The following ATP8A1 variants were observed in gnomAD, a reference collection of about 807,000 sequenced individuals.
ATP8A1 encodes ATPase phospholipid transporting 8A1, also known as phospholipid-transporting ATPase IA.
Under a neutral mutation model 177.7 loss-of-function variants are expected in ATP8A1, and 90 were observed. That is an observed-to-expected ratio of 0.51 (90% confidence interval 0.43 to 0.60). The LOEUF (loss-of-function observed/expected upper bound fraction) is 0.60. Among genes scored for constraint, ATP8A1 ranks in the 20% least tolerant of loss-of-function variants. ATP8A1 has a pLI of 0.00. For missense variants in ATP8A1, 1,072 were observed against 1,392.8 expected (o/e 0.77, Z 3.67); for synonymous variants, 493 against 485.9 (o/e 1.01, Z -0.19).
intron 27 of ATP8A1, among the ~76,000 whole-genome samples, chr4:42,461,002 A>T (rs958556785): frequency 1.3e-5 from 2 of 152,198 alleles, no homozygotes; most frequent in Non-Finnish European, 2.9e-5. Context: ...CAGTTCACTT[A>T]TTTATCTACC....
rs1395948291 is a variant in ATP8A1 at position 42,522,310 on chromosome 4, T to C, written c.1808-11A>G. On this transcript the variant is annotated splice_polypyrimidine_tract_variant and intron_variant, in intron 21 of 36. Coordinates refer to ENST00000381668, the MANE Select transcript of ATP8A1 (RefSeq NM_006095.2). Reference sequence around the variant, plus strand: ...ATAAAGTTCTTAACCCTGAAAAAGATAGCATACATCACCCCAACACACCAA... The same window carrying C: ...ATAAAGTTCTTAACCCTGAAAAAGACAGCATACATCACCCCAACACACCAA... 1.7e-5 allele frequency: 27 copies of C among 1,612,356 alleles called. No homozygotes were observed. The highest frequency in any genetic ancestry group is 2.7e-5 in the African/African-American group (2 of 74,882).
intron 1 of ATP8A1, among the ~76,000 whole-genome samples, chr4:42,643,141 G>C (rs186197592): frequency 6.6e-6 from 1 of 152,194 alleles, no homozygotes; most frequent in Non-Finnish European, 1.5e-5. Flanking sequence ...TGTAATTATC[G>C]ATCCCAAACA....
chr4:42,472,011 C>T, intron 25 of ATP8A1: 1 of 719,652 alleles, frequency 1.4e-6, no homozygotes. Context: ...TCCTGTTCCT[C>T]AACTGAAATC....
chr4:42,624,185 A>C (rs1486216577), intron 4 of ATP8A1, among the ~76,000 whole-genome samples: 3 of 152,026 alleles, frequency 2.0e-5, no homozygotes, highest in Non-Finnish European at 4.4e-5. Flanking sequence ...AATTATTTAA[A>C]TTAAAAAATA....
Position 42,588,295 on chromosome 4 carries a change from TG to T in ATP8A1, c.558del (p.Asn187ThrfsTer2). 6.2e-7 allele frequency: 1 copy of T among 1,614,010 alleles called. No individual in the cohort carries two copies. Among genetic ancestry groups the T allele is most frequent in the Non-Finnish European group, 8.5e-7 (1 of 1,179,922 alleles). Reference sequence around the variant, plus strand: ...TTCAAGTTTGTTTCACCATCTAAGTTGGATGTTTCAATGTAGCACATGGCTT... The same window carrying T: ...TTCAAGTTTGTTTCACCATCTAAGTTGATGTTTCAATGTAGCACATGGCTT... ...EPQAMCYIET[S>X]NLDGETNLKI... is the part of the protein sequence containing the mutation. On this transcript the variant is annotated frameshift_variant, in exon 8 of 37. Transcript: ENST00000381668. LOFTEE classifies it high-confidence loss of function.
intron 4 of ATP8A1, among the ~76,000 whole-genome samples, chr4:42,621,042 C>A (rs1737414428): frequency 6.6e-6 from 1 of 152,132 alleles, no homozygotes; most frequent in African/African-American, 2.4e-5. Context: ...AAGGGAAGTC[C>A]AAAAGGCAAA....
At chr4:42,563,276 G>T (rs1401963762) in intron 15 of ATP8A1, among the ~76,000 whole-genome samples, 2 of 152,194 alleles carry the variant, frequency 1.3e-5, no homozygotes, top group African/African-American at 2.4e-5. Context: ...GCAGCATTTT[G>T]CCCCTGCCCT....
intron 22 of ATP8A1, among the ~76,000 whole-genome samples, chr4:42,511,784 A>C (rs1447296448): frequency 6.6e-6 from 1 of 152,160 alleles, no homozygotes; most frequent in Admixed American, 6.6e-5. Context: ...ACCTATTTCC[A>C]TATTAGCAAA....
chr4:42,466,031 CAAAAAA>C (rs57949092), intron 25 of ATP8A1, among the ~76,000 whole-genome samples: 3 of 108,118 alleles, frequency 2.8e-5, no homozygotes, highest in Admixed American at 1.0e-4. Flanking sequence ...GACTCCGTCT[CAAAAAA>C]AAAAAAAAAA....
chr4:42,534,704 A>G (rs1053705976), intron 20 of ATP8A1, among the ~76,000 whole-genome samples: 1 of 152,204 alleles, frequency 6.6e-6, no homozygotes, highest in African/African-American at 2.4e-5. Context: ...CTCGGCACAT[A>G]GTCGGCAGGT....
chr4:42,617,717 CAA>C (rs368340074), intron 4 of ATP8A1, among the ~76,000 whole-genome samples: 12 of 152,296 alleles, frequency 7.9e-5, no homozygotes, highest in African/African-American at 2.9e-4. Flanking sequence ...CATTCCACTT[CAA>C]AGAGGAAATT....
chr4:42,465,558 T>A (rs1480300948), intron 25 of ATP8A1, among the ~76,000 whole-genome samples: 1 of 152,230 alleles, frequency 6.6e-6, no homozygotes, highest in Non-Finnish European at 1.5e-5. Flanking sequence ...ATGCCAAGTA[T>A]CTGATTATAG....
chr4:42,521,011 A>G (rs1726068546), intron 22 of ATP8A1, among the ~76,000 whole-genome samples: 1 of 152,180 alleles, frequency 6.6e-6, no homozygotes, highest in African/African-American at 2.4e-5. Context: ...CGTGAGGAGC[A>G]GAGGGGGGAA....
At chr4:42,427,126 G>C (rs1714716832) in intron 33 of ATP8A1, among the ~76,000 whole-genome samples, 1 of 151,984 alleles carries the variant, frequency 6.6e-6, no homozygotes, top group Non-Finnish European at 1.5e-5. Context: ...TATATAAAAG[G>C]CTTCCAAAGC....
chr4:42,656,822 T>C lies in ATP8A1; in HGVS notation c.49+3A>G. The C allele has an allele frequency of 1.3e-6, 2 of 1,572,336 alleles. No homozygotes were observed. Among genetic ancestry groups the C allele is most frequent in the East Asian group, 2.4e-5 (1 of 41,634 alleles). On this transcript the variant is annotated splice_donor_region_variant and intron_variant, in intron 1 of 36. Transcript: ENST00000381668. The stretch of plus-strand genomic sequence containing the variant: ...CTAGCCCCGAGCCTCGGCGGCCCCT[T>C]ACCTTCGGCGCGCGAGCGGATCTCC...
At chr4:42,430,373 G>T (rs1468037731) in intron 33 of ATP8A1, among the ~76,000 whole-genome samples, 2 of 152,064 alleles carry the variant, frequency 1.3e-5, no homozygotes, top group Non-Finnish European at 2.9e-5. Flanking sequence ...GTGACTCCTT[G>T]GCTCAACCCT....
intron 24 of ATP8A1, among the ~76,000 whole-genome samples, chr4:42,498,795 T>C (rs1723535213): frequency 1.3e-5 from 2 of 152,170 alleles, no homozygotes; most frequent in African/African-American, 4.8e-5. Flanking sequence ...AGATGGACAT[T>C]TTCATTATTC....
chr4:42,486,903 A>C (rs948303183), intron 24 of ATP8A1, among the ~76,000 whole-genome samples: 1 of 152,186 alleles, frequency 6.6e-6, no homozygotes, highest in Non-Finnish European at 1.5e-5. Flanking sequence ...TTGTGCAAGT[A>C]CCCTCTATGA....
At chr4:42,438,462 T>C (rs1236877445) in intron 33 of ATP8A1, among the ~76,000 whole-genome samples, 1 of 152,164 alleles carries the variant, frequency 6.6e-6, no homozygotes, top group Admixed American at 6.6e-5. Context: ...ATGGGTATTA[T>C]TTATGCTAAT....
Sources: allele counts gnomAD v4.1 joint callset (sites outside exome capture counted in the v4.1 genomes callset), GRCh38; gene constraint gnomAD v4.1.1; transcripts MANE v1.5; gene names NCBI Gene and HGNC (gene_info 2026-07-23, HGNC 2026-07-21).